Variants in SLIT1 observed in about 807,000 individuals in gnomAD.
SLIT1 encodes slit homolog 1 protein.
Under a neutral mutation model 186.1 loss-of-function variants are expected in SLIT1, and 66 were observed. The ratio of observed to expected loss-of-function variants is 0.35; its 90% CI spans 0.29 to 0.44. The LOEUF is 0.44. Among genes scored for constraint, SLIT1 ranks in the 20% least tolerant of loss-of-function variants. The pLI, the probability that SLIT1 is intolerant of heterozygous loss-of-function variation, is 1.00. For missense variants in SLIT1, 1,638 were observed against 2,037.4 expected (o/e 0.80, Z 3.77); for synonymous variants, 761 against 833.8 (o/e 0.91, Z 1.50).
intron 4 of SLIT1, among the ~76,000 whole-genome samples, chr10:97,112,824 G>A (rs1849476739): frequency 6.6e-6 from 1 of 152,138 alleles, no homozygotes; most frequent in Admixed American, 6.5e-5. Context: ...CTCCCAAGCA[G>A]CTGGGTCCAC....
chr10:97,099,450 G>A (rs1849327759), intron 4 of SLIT1, among the ~76,000 whole-genome samples: 1 of 152,116 alleles, frequency 6.6e-6, no homozygotes, highest in Non-Finnish European at 1.5e-5. Context: ...AAGACTCCAG[G>A]TTGGGGGGGT....
intron 28 of SLIT1, among the ~76,000 whole-genome samples, chr10:97,016,363 A>T (rs1848455485): frequency 6.6e-6 from 1 of 152,112 alleles, no homozygotes; most frequent in Non-Finnish European, 1.5e-5. Flanking sequence ...GGAGAATGAT[A>T]AAAGAGTGAT....
chr10:97,100,418 G>A (rs1849338922), intron 4 of SLIT1, among the ~76,000 whole-genome samples: 1 of 152,100 alleles, frequency 6.6e-6, no homozygotes, highest in Admixed American at 6.5e-5. Context: ...GAGGCCAGGA[G>A]TTCAAGTCCA....
intron 3 of SLIT1, among the ~76,000 whole-genome samples, chr10:97,159,704 T>C (rs1364827952): frequency 6.6e-6 from 1 of 152,186 alleles, no homozygotes; most frequent in Non-Finnish European, 1.5e-5. Context: ...CCTTACTATG[T>C]GCCAGGCATG....
intron 4 of SLIT1, among the ~76,000 whole-genome samples, chr10:97,112,092 G>C (rs1016309087): frequency 1.3e-5 from 2 of 152,132 alleles, no homozygotes; most frequent in African/African-American, 2.4e-5. Context: ...TCCCTTCGCT[G>C]TCCAAGGCTA....
chr10:97,064,918 C>T lies in SLIT1; in HGVS notation c.486-42G>A, dbSNP rs1589380141. On this transcript the variant is annotated intron_variant, in intron 5 of 36. Coordinates refer to ENST00000266058, the MANE Select transcript of SLIT1 (RefSeq NM_003061.3). ...GGTTGTAGAGAGAAGGGCACATTGCCTAGAGTAAGGGTGTCCAAACATTCT... is the reference window on the plus strand; with the variant it reads ...GGTTGTAGAGAGAAGGGCACATTGCTTAGAGTAAGGGTGTCCAAACATTCT... The T allele has an allele frequency of 2.0e-6, 3 of 1,534,704 alleles. No individual in the cohort carries two copies. In the East Asian group the frequency reaches 6.8e-5, roughly 35 times the overall value.
chr10:97,087,112 A>AC (rs397699172), intron 4 of SLIT1, among the ~76,000 whole-genome samples: 12 of 150,428 alleles, frequency 8.0e-5, no homozygotes, highest in Non-Finnish European at 7.4e-5. Flanking sequence ...AAAAAAAAAA[A>AC]CAGGTACCAA....
intron 4 of SLIT1, among the ~76,000 whole-genome samples, chr10:97,072,105 G>C (rs1683211365): frequency 6.6e-6 from 1 of 152,132 alleles, no homozygotes; most frequent in South Asian, 2.1e-4. Context: ...ACACAGGCCG[G>C]GGAGAGTGAT....
chr10:97,076,243 CAGG>C (rs1849044721), intron 4 of SLIT1, among the ~76,000 whole-genome samples: 2 of 152,200 alleles, frequency 1.3e-5, no homozygotes, highest in African/African-American at 4.8e-5. Context: ...CCAGCATTGC[CAGG>C]AGGTCAGGAG....
At chr10:97,099,333 AGGCT>A (rs1351146103) in intron 4 of SLIT1, among the ~76,000 whole-genome samples, 1 of 152,204 alleles carries the variant, frequency 6.6e-6, no homozygotes, top group Admixed American at 6.5e-5. Context: ...CCACCGCACC[AGGCT>A]GGCCTGCCTC....
intron 4 of SLIT1, among the ~76,000 whole-genome samples, chr10:97,145,673 A>T (rs947683512): frequency 2.6e-5 from 4 of 152,142 alleles, no homozygotes; most frequent in African/African-American, 9.7e-5. Flanking sequence ...GCCAGAGATT[A>T]AGACTTGGGT....
Position 97,063,584 on chromosome 10 carries a change from G to A in SLIT1, c.664C>T (p.His222Tyr), listed in dbSNP as rs749324286. The A allele has an allele frequency of 1.2e-6, 2 of 1,612,624 alleles. No individual in the cohort carries two copies. The highest frequency in any genetic ancestry group is 1.1e-5 in the South Asian group (1 of 90,796). Reference protein sequence around the residue: ...LHSNHLFCDCHLAWLSQWLRQ... With the variant: ...LHSNHLFCDCYLAWLSQWLRQ... ...AGCCACTGCGAGAGCCAGGCCAGGTGGCAGTCGCAAAACAGGTGGTTGGAG... is the reference window on the plus strand; with the variant it reads ...AGCCACTGCGAGAGCCAGGCCAGGTAGCAGTCGCAAAACAGGTGGTTGGAG... Residue 222 changes from histidine to tyrosine, a missense_variant, in exon 8 of 37, where the codon CAC (histidine) becomes TAC (tyrosine). By Grantham distance (83) the His-to-Tyr change is moderately conservative (BLOSUM62 2). This residue lies in a region of SLIT1 where 1,245 missense variants were observed against 1,535.3 expected (regional missense o/e 0.81). Transcript: ENST00000266058.
intron 4 of SLIT1, among the ~76,000 whole-genome samples, chr10:97,072,069 A>T (rs1338574931): frequency 6.6e-6 from 1 of 152,242 alleles, no homozygotes; most frequent in Non-Finnish European, 1.5e-5. Flanking sequence ...GGCTCTGGGA[A>T]GCAAGTGTCA....
intron 13 of SLIT1, among the ~76,000 whole-genome samples, chr10:97,050,048 T>C (rs1380276122): frequency 6.6e-6 from 1 of 152,170 alleles, no homozygotes; most frequent in Non-Finnish European, 1.5e-5. Context: ...ACACCTGTCC[T>C]GGCTCTGGAG....
chr10:97,015,884 T>TA (rs1848450826), intron 28 of SLIT1, among the ~76,000 whole-genome samples: 1 of 151,794 alleles, frequency 6.6e-6, no homozygotes, highest in Non-Finnish European at 1.5e-5. Context: ...GAGTCTAGCA[T>TA]AAAAATATAT....
Position 97,081,639 on chromosome 10 carries a change from A to G in SLIT1, c.414-15553T>C, listed in dbSNP as rs1244391487. Among the ~76,000 whole-genome samples, 9 of 152,158 alleles carry G rather than the reference A, an allele frequency of 5.9e-5. 1 individual carries two copies. The highest frequency in any genetic ancestry group is 4.6e-4 in the Admixed American group (7 of 15,282). On this transcript the variant is annotated intron_variant, in intron 4 of 36. Transcript: ENST00000266058. ...ATCTGCAGCCCCTGAGGCCCCCTCC[A>G]CATGCACAGACAGGGATGCTCAAAG...
intron 31 of SLIT1, among the ~76,000 whole-genome samples, chr10:97,007,602 G>A (rs1181541924): frequency 6.6e-6 from 1 of 152,008 alleles, no homozygotes; most frequent in Non-Finnish European, 1.5e-5. Flanking sequence ...ATGACCAAGT[G>A]AGATTTACGC....
Position 97,138,417 on chromosome 10 carries a change from G to A in SLIT1, c.413+19401C>T, listed in dbSNP as rs143627487. Among the ~76,000 whole-genome samples the A allele has an allele frequency of 3.9e-5, 6 of 152,348 alleles. No individual in the cohort carries two copies. The South Asian group carries it at 8.3e-4, about 21-fold the overall frequency. On this transcript the variant is annotated intron_variant, in intron 4 of 36. Transcript: ENST00000266058. ...AGGGATGCACTCTTGCAGGGAGGCC[G>A]GGGACGGTCACCACGGTCTGTGGTC...
intron 28 of SLIT1, among the ~76,000 whole-genome samples, chr10:97,017,470 G>A (rs908700125): frequency 3.1e-4 from 47 of 152,350 alleles, no homozygotes; most frequent in African/African-American, 1.1e-3. Context: ...CTCATTGGGC[G>A]GTCCTGTGGG....
Sources: gnomAD v4.1 joint callset for allele counts (sites outside exome capture counted in the v4.1 genomes callset) on GRCh38, gnomAD v4.1.1 for gene constraint, gnomAD v4.1.1 regional missense constraint, MANE v1.5 for transcripts, NCBI Gene and HGNC (gene_info 2026-07-23, HGNC 2026-07-21) for gene names.